Variants in SLC8A2 observed in about 807,000 individuals in gnomAD.
SLC8A2 encodes the protein solute carrier family 8 member A2.
A neutral mutation model predicts 70.2 loss-of-function variants in SLC8A2; 14 were observed. The ratio of observed to expected loss-of-function variants is 0.20; its 90% CI spans 0.13 to 0.31. The LOEUF is 0.31. Ranked by LOEUF, SLC8A2 falls within the 10% of genes least tolerant of loss-of-function variation. SLC8A2 has a pLI of 1.00. For synonymous variants in SLC8A2, 575 were observed against 594.3 expected, an observed-to-expected ratio of 0.97 and a Z score of 0.47; for missense variants, 779 against 1,320.1, an observed-to-expected ratio of 0.59 and a Z score of 6.35.
chr19:47,438,989 T>C (rs1486001021), intron 6 of SLC8A2, among the ~76,000 whole-genome samples: 2 of 152,122 alleles, frequency 1.3e-5, no homozygotes, highest in African/African-American at 4.8e-5. Flanking sequence ...TTTCCCAGCC[T>C]CCCTTGCAGC....
Position 47,448,877 on chromosome 19 carries a change from C to G in SLC8A2, c.1341-646G>C, listed in dbSNP as rs1967202306. On this transcript the variant is annotated intron_variant, in intron 3 of 9. Coordinates refer to ENST00000236877, the MANE Select transcript of SLC8A2 (RefSeq NM_015063.3). This position sits in a 1 kb window ranked among gnomAD's most constrained non-coding sequence, Gnocchi z 4.8. ...AACTTGGCATCACTCATTCATTCAA[C>G]AAACACTCCTAAGGGCACCCGTTGT... is the stretch of plus-strand genomic sequence containing the variant. Among the ~76,000 whole-genome samples the G allele has an allele frequency of 1.3e-5, 2 of 152,320 alleles. No homozygotes were observed. The highest frequency in any genetic ancestry group is 4.1e-4 in the South Asian group (2 of 4,828).
At position 47,441,206 on chromosome 19, in the gene SLC8A2, G is replaced by C; in HGVS notation, c.1868-20C>G. 1 of 1,613,882 alleles carries C rather than the reference G, an allele frequency of 6.2e-7. No individual in the cohort carries two copies. Among genetic ancestry groups the C allele is most frequent in the Non-Finnish European group, 8.5e-7 (1 of 1,179,834 alleles). ...GCAGAGCTGGGGAGAGACAGAGACAGGCAGACAGTGAGATCAGTTCCCCAC... is the reference window on the plus strand; with the variant it reads ...GCAGAGCTGGGGAGAGACAGAGACACGCAGACAGTGAGATCAGTTCCCCAC... On this transcript the variant is annotated intron_variant, in intron 5 of 9. Transcript: ENST00000236877.
chr19:47,441,151 A>C lies in SLC8A2; in HGVS notation c.1885+18T>G, dbSNP rs1967094973. The C allele has an allele frequency of 6.2e-7, 1 of 1,611,944 alleles. No individual in the cohort carries two copies. Among genetic ancestry groups the C allele is most frequent in the Non-Finnish European group, 8.5e-7 (1 of 1,178,050 alleles). ...AGTGGCTCCTCCCCACTCAGAGCCC[A>C]GAGGTGACTTCACTCACCTTGATTG... On this transcript the variant is annotated intron_variant, in intron 6 of 9. Coordinates refer to ENST00000236877, the MANE Select transcript of SLC8A2 (RefSeq NM_015063.3).
At chr19:47,431,656 CCA>C (rs1966962186) in intron 9 of SLC8A2, among the ~76,000 whole-genome samples, 1 of 62,200 alleles carries the variant, frequency 1.6e-5, no homozygotes. Flanking sequence ...TGTCCCCACA[CCA>C]AAAAAAAAAA....
rs1460199294 is a variant in SLC8A2, at chr19:47,468,110, C to G, written c.-16-1691G>C. Among the ~76,000 whole-genome samples, 1 of 151,876 alleles carries G rather than the reference C, an allele frequency of 6.6e-6. No homozygotes were observed. Among genetic ancestry groups the G allele is most frequent in the African/African-American group, 2.4e-5 (1 of 41,320 alleles). ...CCATCTCACTCACAGCACCAGCGTC[C>G]TCTCCAGGGCCCGTGAGGTCCTGCC... On this transcript the variant is annotated intron_variant, in intron 1 of 9. Coordinates refer to ENST00000236877, the MANE Select transcript of SLC8A2 (RefSeq NM_015063.3). The surrounding 1 kb of genome is among the most constrained non-coding windows in gnomAD (Gnocchi z 5.1).
chr19:47,447,746 C>G lies in SLC8A2; in HGVS notation c.1763+63G>C. On this transcript the variant is annotated intron_variant, in intron 4 of 9. Coordinates refer to ENST00000236877, the MANE Select transcript of SLC8A2 (RefSeq NM_015063.3). This position sits in a 1 kb window ranked among gnomAD's most constrained non-coding sequence, Gnocchi z 5.1. ...GGCTCACCCAGGCCCCGCCCCTGAG[C>G]CACATCAGGCCTCGCCCATTCCGAA... is the stretch of plus-strand genomic sequence containing the variant. The G allele has an allele frequency of 6.8e-7, 1 of 1,465,750 alleles. No individual in the cohort carries two copies. Among genetic ancestry groups the G allele is most frequent in the East Asian group, 2.6e-5 (1 of 38,414 alleles). The allele number at this position is 1,465,750 out of a possible 1,614,324, so 90.8% of individuals were successfully genotyped here.
chr19:47,445,295 G>C (rs911265416), intron 4 of SLC8A2, among the ~76,000 whole-genome samples: 2 of 152,140 alleles, frequency 1.3e-5, no homozygotes. Flanking sequence ...TTTTAGTAGA[G>C]ACGGGGTTTC....
intron 4 of SLC8A2, among the ~76,000 whole-genome samples, chr19:47,445,509 G>GTGTCTC (rs748603741): frequency 2.6e-5 from 4 of 152,086 alleles, no homozygotes; most frequent in Non-Finnish European, 4.4e-5. Flanking sequence ...GTCTATCTCT[G>GTGTCTC]TGTCTCTGTC....
chr19:47,453,195 G>T (rs892525015), intron 3 of SLC8A2, among the ~76,000 whole-genome samples: 1 of 152,200 alleles, frequency 6.6e-6, no homozygotes, highest in African/African-American at 2.4e-5. Context: ...AGGCTCACAG[G>T]TGTGAACCTG....
chr19:47,430,615 G>C lies in SLC8A2; in HGVS notation c.2390-150C>G, dbSNP rs1044853904. On this transcript the variant is annotated intron_variant, in intron 9 of 9. Transcript: ENST00000236877. The surrounding 1 kb of genome is among the most constrained non-coding windows in gnomAD (Gnocchi z 5.9). ...CCCTGACCCCCACCCAAGAGGCAAA[G>C]TCCATCACCACCTTTAGGCCTGCTC... The C allele has an allele frequency of 1.7e-5, 14 of 806,552 alleles. 1 individual carries two copies. Among genetic ancestry groups the C allele is most frequent in the Non-Finnish European group, 3.8e-6 (2 of 526,708 alleles). The allele number at this position is 806,552 out of a possible 1,614,324, so 50.0% of individuals were successfully genotyped here. A position where few individuals can be genotyped will look rare whatever the true frequency, so the allele number is the denominator to read the frequency against.
intron 1 of SLC8A2, among the ~76,000 whole-genome samples, chr19:47,471,150 AG>A: frequency 1.3e-5 from 2 of 151,446 alleles, no homozygotes; most frequent in Non-Finnish European, 2.9e-5. Context: ...AGAGAGAGAG[AG>A]AGAGAGACAT....
At position 47,459,683 on chromosome 19, in the gene SLC8A2, G is replaced by GTGCA. The variant is rs59312866; in HGVS notation, c.676-2093_676-2090dup. Among the ~76,000 whole-genome samples, 49 of 147,318 alleles carry GTGCA rather than the reference G, an allele frequency of 3.3e-4. No homozygotes were observed. The South Asian group carries it at 4.0e-3, about 12-fold the overall frequency. ...CTTCTGTGTGTGTGCATGTGTGTGT[G>GTGCA]TGCATGGGTGTGTCCTTCTGTGTGT... is the stretch of plus-strand genomic sequence containing the variant. On this transcript the variant is annotated intron_variant, in intron 2 of 9. Transcript: ENST00000236877.
intron 3 of SLC8A2, among the ~76,000 whole-genome samples, chr19:47,453,897 C>T (rs563927335): frequency 2.3e-4 from 35 of 151,770 alleles, no homozygotes; most frequent in Non-Finnish European, 3.7e-4. Context: ...TGTGCTCCAG[C>T]GTGAGTGACA....
At chr19:47,461,524 C>A (rs1967395143) in intron 2 of SLC8A2, among the ~76,000 whole-genome samples, 3 of 152,012 alleles carry the variant, frequency 2.0e-5, no homozygotes, top group African/African-American at 7.2e-5. Flanking sequence ...AAAGAAGGCC[C>A]CCAGAGTATC....
chr19:47,431,097 T>C (rs556147530), intron 9 of SLC8A2, among the ~76,000 whole-genome samples: 1 of 152,152 alleles, frequency 6.6e-6, no homozygotes, highest in South Asian at 2.1e-4. Flanking sequence ...GGTGCGATCA[T>C]GGCTCACTGC....
chr19:47,437,566 G>A lies in SLC8A2; in HGVS notation c.2011-5C>T. ...GATGAGTTTATCCACCGTGTTCTGG[G>A]GATGAGAGGGTGGGGGAGAGGTCAC... On this transcript the variant is annotated splice_polypyrimidine_tract_variant and splice_region_variant and intron_variant, in intron 7 of 9. Transcript: ENST00000236877. 1 of 1,606,404 alleles carries A rather than the reference G, an allele frequency of 6.2e-7. No individual in the cohort carries two copies. The highest frequency in any genetic ancestry group is 1.1e-5 in the South Asian group (1 of 90,880).
chr19:47,465,044 C>T lies in SLC8A2; in HGVS notation c.675+685G>A, dbSNP rs1301139452. On this transcript the variant is annotated intron_variant, in intron 2 of 9. Transcript: ENST00000236877. This position sits in a 1 kb window ranked among gnomAD's most constrained non-coding sequence, Gnocchi z 5.5. Reference sequence around the variant, plus strand: ...GGGTTGGATGGGAGTATACATTACACTGAAGTGGCATAAATTATCCCAACA... The same window carrying T: ...GGGTTGGATGGGAGTATACATTACATTGAAGTGGCATAAATTATCCCAACA... 3.3e-5 allele frequency among the ~76,000 whole-genome samples: 5 copies of T among 152,178 alleles called. No homozygotes were observed. Among genetic ancestry groups the T allele is most frequent in the African/African-American group, 1.2e-4 (5 of 41,436 alleles).
Position 47,468,278 on chromosome 19 carries a change from C to G in SLC8A2, c.-16-1859G>C, listed in dbSNP as rs926971192. Among the ~76,000 whole-genome samples, 9 of 152,096 alleles carry G rather than the reference C, an allele frequency of 5.9e-5. No individual in the cohort carries two copies. The highest frequency in any genetic ancestry group is 2.2e-4 in the African/African-American group (9 of 41,402). On this transcript the variant is annotated intron_variant, in intron 1 of 9. Coordinates refer to ENST00000236877, the MANE Select transcript of SLC8A2 (RefSeq NM_015063.3). The surrounding 1 kb of genome is among the most constrained non-coding windows in gnomAD (Gnocchi z 5.1). ...TTGGAGCCCTGGCACCTGCTGTTCC[C>G]CCTTCCTCGAACACGCTTCTCTATT...
At chr19:47,453,630 G>A (rs1967270379) in intron 3 of SLC8A2, among the ~76,000 whole-genome samples, 1 of 152,230 alleles carries the variant, frequency 6.6e-6, no homozygotes, top group Non-Finnish European at 1.5e-5. Flanking sequence ...GCCAGGTGCA[G>A]TGGCTCACAC....
Sources: allele counts gnomAD v4.1 joint callset (sites outside exome capture counted in the v4.1 genomes callset), GRCh38; gene constraint gnomAD v4.1.1; non-coding constraint Gnocchi (gnomAD v3.1); transcripts MANE v1.5; gene names NCBI Gene and HGNC (gene_info 2026-07-23, HGNC 2026-07-21).